BANK1: variants seen among roughly 807,000 people sequenced by gnomAD.
BANK1 encodes the protein B cell scaffold protein with ankyrin repeats 1.
BANK1 carries 95 observed loss-of-function variants against 94.5 expected under a neutral mutation model. The ratio of observed to expected loss-of-function variants is 1.00; its 90% confidence interval spans 0.85 to 1.19. The LOEUF (loss-of-function observed/expected upper bound fraction) is 1.19. Ranked by LOEUF, BANK1 falls within the 50% of genes most tolerant of loss-of-function variation. BANK1 has a pLI of 0.00. For synonymous variants in BANK1, 334 were observed against 308.4 expected, an observed-to-expected ratio of 1.08 and a Z score of -0.87; for missense variants, 987 against 932.2, an observed-to-expected ratio of 1.06 and a Z score of -0.77.
Position 101,839,937 on chromosome 4 carries a change from A to ATTTTTT in BANK1, c.469+9775_469+9780dup, listed in dbSNP as rs70964197. Among the ~76,000 whole-genome samples, 61 of 53,080 alleles carry ATTTTTT rather than the reference A, an allele frequency of 1.1e-3. 16 individuals carry two copies. The highest frequency in any genetic ancestry group is 1.8e-3 in the East Asian group (4 of 2,222). 34.8% of individuals were successfully genotyped at this position (53,080 alleles called of 152,430 possible). On this transcript the variant is annotated intron_variant, in intron 2 of 16. Transcript: ENST00000322953. ...GCTACTATATAATTTCAAATATTTAATTTTTTTTTTTTTTTTTTTTTTTTT... is the reference window on the plus strand; with the variant it reads ...GCTACTATATAATTTCAAATATTTAATTTTTTTTTTTTTTTTTTTTTTTTTTTTTTT...
intron 2 of BANK1, among the ~76,000 whole-genome samples, chr4:101,833,548 A>T (rs575790303): frequency 6.6e-6 from 1 of 152,332 alleles, no homozygotes; most frequent in South Asian, 2.1e-4. Context: ...CCTCATATCT[A>T]CAAGGTACCC....
At chr4:102,045,262 G>A (rs11097767) in intron 11 of BANK1, among the ~76,000 whole-genome samples, 97,125 of 151,950 alleles carry the variant, frequency 0.64, 31,748 homozygotes, top group African/African-American at 0.76. Flanking sequence ...AAAAATCTCA[G>A]TAAATTAGGT....
Position 101,790,736 on chromosome 4 carries a change from TG to T in BANK1, c.-143del. The T allele has an allele frequency of 2.3e-6, 2 of 885,260 alleles. No individual in the cohort carries two copies. Among genetic ancestry groups the T allele is most frequent in the Non-Finnish European group, 3.5e-6 (2 of 567,402 alleles). 54.8% of individuals were successfully genotyped at this position (885,260 alleles called of 1,614,324 possible). A position where few individuals can be genotyped will look rare whatever the true frequency, so the allele number is the denominator to read the frequency against. On this transcript the variant is annotated 5_prime_UTR_variant, in exon 1 of 17. Coordinates refer to ENST00000322953, the MANE Select transcript of BANK1 (RefSeq NM_017935.5). ...CCCCGGGGCTGCGTTTCCTGAGACC[TG>T]GCCGCAGCCTCCGCGGGTGGCAAGC... is the stretch of plus-strand genomic sequence containing the variant.
intron 11 of BANK1, among the ~76,000 whole-genome samples, chr4:102,044,262 A>G (rs557327112): frequency 3.9e-5 from 6 of 152,114 alleles, no homozygotes; most frequent in Non-Finnish European, 7.4e-5. Flanking sequence ...ATTCCCACCT[A>G]TGAGTGAGAA....
chr4:101,996,136 T>C (rs150383055), intron 7 of BANK1, among the ~76,000 whole-genome samples: 4,000 of 152,336 alleles, frequency 0.026, 179 homozygotes, highest in African/African-American at 0.092. Flanking sequence ...AGTTTCAGTT[T>C]TCTGCATATG....
chr4:102,013,082 A>G (rs962959220), intron 7 of BANK1, among the ~76,000 whole-genome samples: 2 of 152,132 alleles, frequency 1.3e-5, no homozygotes, highest in African/African-American at 4.8e-5. Flanking sequence ...TGAAACTAAA[A>G]CTGATTTCAA....
intron 7 of BANK1, among the ~76,000 whole-genome samples, chr4:102,013,318 G>C (rs1054610779): frequency 3.3e-5 from 5 of 152,074 alleles, no homozygotes; most frequent in Non-Finnish European, 7.4e-5. Context: ...ACACCCTTCT[G>C]AGTCAGCACT....
chr4:102,070,251 A>G (rs760385041), intron 13 of BANK1, among the ~76,000 whole-genome samples: 5 of 152,188 alleles, frequency 3.3e-5, no homozygotes, highest in Non-Finnish European at 7.4e-5. Context: ...ATGCTGGCCA[A>G]CTTCCAGCAT....
At chr4:102,010,069 A>G (rs549044728) in intron 7 of BANK1, among the ~76,000 whole-genome samples, 88 of 151,992 alleles carry the variant, frequency 5.8e-4, no homozygotes, top group South Asian at 3.3e-3. Flanking sequence ...GATCGAGACC[A>G]TCCTGGCTAA....
Position 101,895,392 on chromosome 4 carries a change from A to C in BANK1, c.991A>C (p.Ile331Leu). Residue 331 changes from isoleucine (I) to leucine (L), a missense_variant, in exon 6 of 17, where the codon ATT becomes CTT. Physicochemically the swap from Ile to Leu is conservative, Grantham distance 5. Transcript: ENST00000322953. Reference sequence around the variant, plus strand: ...TGAGTTCCAGTCTCTTCAAACTGAAATTTGTTCTCAAAACAAATGTGAGTA... The same window carrying C: ...TGAGTTCCAGTCTCTTCAAACTGAACTTTGTTCTCAAAACAAATGTGAGTA... Reference protein sequence around the residue: ...YYEFQSLQTEICSQNKYTHFK... With the variant: ...YYEFQSLQTELCSQNKYTHFK... 6.3e-7 allele frequency: 1 copy of C among 1,582,444 alleles called. No individual in the cohort carries two copies. Among genetic ancestry groups the C allele is most frequent in the South Asian group, 1.1e-5 (1 of 88,530 alleles).
chr4:101,839,878 A>G (rs1456301245), intron 2 of BANK1, among the ~76,000 whole-genome samples: 3 of 149,202 alleles, frequency 2.0e-5, no homozygotes, highest in Non-Finnish European at 3.0e-5. Flanking sequence ...AAGGAGATAT[A>G]CAATTGCTTT....
intron 2 of BANK1, among the ~76,000 whole-genome samples, chr4:101,833,412 T>C (rs1726704203): frequency 6.6e-6 from 1 of 152,252 alleles, no homozygotes; most frequent in South Asian, 2.1e-4. Context: ...ACTGTACTTC[T>C]CTGCTTCCAC....
intron 7 of BANK1, among the ~76,000 whole-genome samples, chr4:101,944,745 C>A (rs1487384621): frequency 6.6e-6 from 1 of 151,854 alleles, no homozygotes; most frequent in Non-Finnish European, 1.5e-5. Flanking sequence ...TCTGTGATTC[C>A]AATGGACAGC....
At chr4:102,032,194 T>G (rs1727342991) in intron 10 of BANK1, 1 of 152,194 alleles carries the variant, frequency 6.6e-6, no homozygotes, top group Non-Finnish European at 1.5e-5. Context: ...ACTCTAGAAA[T>G]TTTTGAAGAA....
chr4:101,849,662 G>C (rs1430025413), intron 2 of BANK1, among the ~76,000 whole-genome samples: 2 of 151,900 alleles, frequency 1.3e-5, no homozygotes, highest in African/African-American at 2.4e-5. Flanking sequence ...AATAAAATTT[G>C]TGTGTGTGTA....
chr4:102,007,078 A>ATT (rs1726294427), intron 7 of BANK1, among the ~76,000 whole-genome samples: 1 of 104,834 alleles, frequency 9.5e-6, no homozygotes, highest in African/African-American at 3.4e-5. Flanking sequence ...TTATATATAT[A>ATT]TAAATATATA....
intron 10 of BANK1, among the ~76,000 whole-genome samples, chr4:102,042,457 T>G (rs1329358737): frequency 1.3e-5 from 2 of 152,044 alleles, no homozygotes; most frequent in African/African-American, 4.8e-5. Context: ...TTGCCTCTTC[T>G]GTTTAAAAGA....
chr4:101,891,307 G>C (rs1294340634), intron 5 of BANK1, among the ~76,000 whole-genome samples: 4 of 152,018 alleles, frequency 2.6e-5, no homozygotes, highest in African/African-American at 4.8e-5. Flanking sequence ...TTTAACACTT[G>C]ACAAATATTT....
chr4:102,051,201 A>G (rs1311120261), intron 11 of BANK1, among the ~76,000 whole-genome samples: 2 of 152,214 alleles, frequency 1.3e-5, no homozygotes, highest in African/African-American at 4.8e-5. Flanking sequence ...TATTTTCATC[A>G]GGCTGTTTTT....
Sources: gnomAD v4.1 joint callset for allele counts (sites outside exome capture counted in the v4.1 genomes callset) on GRCh38, gnomAD v4.1.1 for gene constraint, MANE v1.5 for transcripts, NCBI Gene and HGNC (gene_info 2026-07-23, HGNC 2026-07-21) for gene names.